CYRIA: variants seen among roughly 807,000 people sequenced by gnomAD.
CYRIA encodes CYFIP-related Rac1 interactor A.
A neutral mutation model predicts 43.9 loss-of-function variants in CYRIA; 15 were observed. The ratio of observed to expected loss-of-function variants is 0.34; its 90% confidence interval spans 0.23 to 0.53. CYRIA has a LOEUF of 0.53. CYRIA is among the 20% of genes least tolerant of loss of function. The probability of loss-of-function intolerance (pLI) is 0.94; values close to 1 mark genes in which losing one functional copy is unlikely to be tolerated. For synonymous variants in CYRIA, 117 were observed against 136.0 expected (o/e 0.86, Z 0.97); for missense variants, 236 against 394.2 (o/e 0.60, Z 3.40).
chr2:16,555,478 T>C (rs1233721128), intron 10 of CYRIA, among the ~76,000 whole-genome samples: 1 of 152,130 alleles, frequency 6.6e-6, no homozygotes, highest in Non-Finnish European at 1.5e-5. Flanking sequence ...TCAGTTTCCA[T>C]GTCTATGTCT....
intron 6 of CYRIA, 63 bp downstream of exon 6, chr2:16,561,942 C>A: frequency 6.7e-7 from 1 of 1,496,868 alleles, no homozygotes; most frequent in Non-Finnish European, 9.1e-7. Flanking sequence ...ACTAACAGAA[C>A]AGCTGTAAAC....
At chr2:16,648,855 CAATA>C (rs1361632338) in intron 1 of CYRIA, among the ~76,000 whole-genome samples, 1 of 152,096 alleles carries the variant, frequency 6.6e-6, no homozygotes, top group African/African-American at 2.4e-5. Flanking sequence ...TGATATTTCC[CAATA>C]AATATTGATA....
intron 2 of CYRIA, among the ~76,000 whole-genome samples, chr2:16,618,456 T>C (rs2103502550): frequency 6.6e-6 from 1 of 152,284 alleles, no homozygotes; most frequent in East Asian, 1.9e-4. Flanking sequence ...TCATATGTCT[T>C]GTCCCCAGCC....
chr2:16,607,672 T>C (rs1668455407), intron 2 of CYRIA, among the ~76,000 whole-genome samples: 1 of 152,134 alleles, frequency 6.6e-6, no homozygotes, highest in South Asian at 2.1e-4. Flanking sequence ...CACTGCAACC[T>C]CTGCCTCCCA....
chr2:16,564,703 C>A (rs193290172), intron 4 of CYRIA, among the ~76,000 whole-genome samples: 1 of 151,862 alleles, frequency 6.6e-6, no homozygotes, highest in Non-Finnish European at 1.5e-5. Context: ...TATTGGCATG[C>A]GTATATGTAT....
At chr2:16,644,299 T>C (rs1172276647) in intron 1 of CYRIA, among the ~76,000 whole-genome samples, 1 of 152,168 alleles carries the variant, frequency 6.6e-6, no homozygotes, top group Non-Finnish European at 1.5e-5. Context: ...GAATCACACA[T>C]CCCAATTAGT....
chr2:16,573,901 T>G (rs1183084135), intron 3 of CYRIA, among the ~76,000 whole-genome samples: 2 of 152,136 alleles, frequency 1.3e-5, no homozygotes, highest in African/African-American at 4.8e-5. Context: ...ATACGGTAAA[T>G]TGGTACCAGT....
chr2:16,640,081 TGC>T (rs1669626919), intron 1 of CYRIA, among the ~76,000 whole-genome samples: 1 of 152,240 alleles, frequency 6.6e-6, no homozygotes, highest in South Asian at 2.1e-4. Flanking sequence ...ACATACAGGC[TGC>T]AAACTGTGTG....
chr2:16,646,687 G>A (rs1467922292), intron 1 of CYRIA, among the ~76,000 whole-genome samples: 1 of 152,194 alleles, frequency 6.6e-6, no homozygotes, highest in Non-Finnish European at 1.5e-5. Flanking sequence ...ACATTATTCT[G>A]TTTGTTGCTG....
Position 16,562,191 on chromosome 2 carries a change from C to T in CYRIA, c.299-50G>A, listed in dbSNP as rs554484294. The T allele has an allele frequency of 2.0e-5, 32 of 1,566,060 alleles. No individual in the cohort carries two copies. In the African/African-American group the frequency reaches 3.0e-4, roughly 15 times the overall value. Reference sequence around the variant, plus strand: ...TATGTTGGAGGTGGCCCACAGAGGTCCTTCAAAGAACACAATTCCCAGCCT... The same window carrying T: ...TATGTTGGAGGTGGCCCACAGAGGTTCTTCAAAGAACACAATTCCCAGCCT... On this transcript the variant is annotated intron_variant, in intron 5 of 11. Coordinates refer to ENST00000381323, the MANE Select transcript of CYRIA (RefSeq NM_030797.4).
At chr2:16,619,391 A>G (rs1285723238) in intron 2 of CYRIA, among the ~76,000 whole-genome samples, 5 of 152,184 alleles carry the variant, frequency 3.3e-5, no homozygotes, top group African/African-American at 1.2e-4. Context: ...AGATATATAT[A>G]TATATACACA....
At chr2:16,651,993 C>T (rs566097444) in intron 1 of CYRIA, among the ~76,000 whole-genome samples, 5 of 152,282 alleles carry the variant, frequency 3.3e-5, no homozygotes, top group African/African-American at 1.2e-4. Context: ...AAGGAAAAGG[C>T]AAGTCTTTGC....
At chr2:16,589,667 G>A (rs1168677187) in intron 2 of CYRIA, among the ~76,000 whole-genome samples, 1 of 152,052 alleles carries the variant, frequency 6.6e-6, no homozygotes, top group Admixed American at 6.6e-5. Flanking sequence ...GCTTAGCACA[G>A]CACTTACAGG....
intron 1 of CYRIA, among the ~76,000 whole-genome samples, chr2:16,657,952 A>T (rs922207263): frequency 6.6e-6 from 1 of 152,214 alleles, no homozygotes; most frequent in Non-Finnish European, 1.5e-5. Flanking sequence ...ACTTAAAAAT[A>T]AGCGAATGTG....
intron 1 of CYRIA, among the ~76,000 whole-genome samples, chr2:16,659,412 T>C (rs1670191831): frequency 6.6e-6 from 1 of 152,230 alleles, no homozygotes; most frequent in Non-Finnish European, 1.5e-5. Flanking sequence ...GTTTCAAACG[T>C]TCTTCAGAAG....
At chr2:16,623,531 C>T (rs912963831) in intron 2 of CYRIA, among the ~76,000 whole-genome samples, 5 of 152,092 alleles carry the variant, frequency 3.3e-5, no homozygotes, top group Non-Finnish European at 7.4e-5. Flanking sequence ...TACCAAAGGA[C>T]CTCTCCTCCT....
intron 1 of CYRIA, among the ~76,000 whole-genome samples, chr2:16,627,353 C>T (rs1479190768): frequency 6.6e-6 from 1 of 152,202 alleles, no homozygotes; most frequent in Non-Finnish European, 1.5e-5. Context: ...GACTGAGTCC[C>T]TCAATGCCAG....
At chr2:16,571,201 C>T (rs1160269193) in intron 3 of CYRIA, among the ~76,000 whole-genome samples, 1 of 152,214 alleles carries the variant, frequency 6.6e-6, no homozygotes, top group Non-Finnish European at 1.5e-5. Flanking sequence ...GTACCTTATA[C>T]ATTAAGATAG....
chr2:16,633,349 CAT>C (rs1257847820), intron 1 of CYRIA, among the ~76,000 whole-genome samples: 1 of 152,110 alleles, frequency 6.6e-6, no homozygotes, highest in Non-Finnish European at 1.5e-5. Flanking sequence ...GCTGAACTCT[CAT>C]AGAACTTTCT....
Sources: allele counts gnomAD v4.1 joint callset (sites outside exome capture counted in the v4.1 genomes callset), GRCh38; gene constraint gnomAD v4.1.1; transcripts MANE v1.5; gene names NCBI Gene and HGNC (gene_info 2026-07-23, HGNC 2026-07-21).